MMP26: variants seen among roughly 807,000 people sequenced by gnomAD.
MMP26 encodes matrix metallopeptidase 26.
In MMP26, 33 loss-of-function variants were observed where a neutral mutation model predicts 31.0. That is an observed-to-expected ratio of 1.06 (90% confidence interval 0.81 to 1.42). The LOEUF (loss-of-function observed/expected upper bound fraction) is 1.42, where lower values mean the gene tolerates loss of function less well. Ranked by LOEUF, MMP26 falls within the 40% of genes most tolerant of loss-of-function variation. The pLI is 0.00. For synonymous variants in MMP26, 122 were observed against 114.9 expected (o/e 1.06, Z -0.40); for missense variants, 347 against 316.1 (o/e 1.10, Z -0.74).
At chr11:4,918,103 G>A (rs1358826203) in intron 2 of MMP26, among the ~76,000 whole-genome samples, 1 of 151,988 alleles carries the variant, frequency 6.6e-6, no homozygotes, top group Non-Finnish European at 1.5e-5. Flanking sequence ...AAATTTGCAA[G>A]TTAGTATTAT....
At chr11:4,896,326 G>A (rs576959794) in intron 2 of MMP26, among the ~76,000 whole-genome samples, 22 of 152,188 alleles carry the variant, frequency 1.4e-4, no homozygotes, top group South Asian at 4.1e-4. Flanking sequence ...TCTACACACC[G>A]CTGATTCCTT....
At chr11:4,810,025 T>C (rs1364157936) in intron 2 of MMP26, among the ~76,000 whole-genome samples, 1 of 152,160 alleles carries the variant, frequency 6.6e-6, no homozygotes, top group Non-Finnish European at 1.5e-5. Flanking sequence ...TTTCCGACCT[T>C]TAAGTATTAG....
At chr11:4,833,983 C>G (rs1308286895) in intron 2 of MMP26, among the ~76,000 whole-genome samples, 1 of 151,920 alleles carries the variant, frequency 6.6e-6, no homozygotes, top group Non-Finnish European at 1.5e-5. Flanking sequence ...AGTACTCTGT[C>G]GATGGTATGT....
chr11:4,708,590 T>C (rs969895759), intron 1 of MMP26, among the ~76,000 whole-genome samples: 1 of 152,220 alleles, frequency 6.6e-6, no homozygotes, highest in Non-Finnish European at 1.5e-5. Context: ...AACATAAATA[T>C]GTTAAAAACC....
chr11:4,946,805 C>A (rs754855485), intron 2 of MMP26: 2 of 1,587,354 alleles, frequency 1.3e-6, no homozygotes, highest in Non-Finnish European at 8.6e-7. Context: ...CTGGGCAAAG[C>A]AGGCATTGGA....
intron 2 of MMP26, chr11:4,859,877 T>C (rs1038762206): frequency 8.5e-6 from 4 of 470,960 alleles, no homozygotes; most frequent in African/African-American, 4.0e-5. Context: ...CTGGAGACAA[T>C]GCCCAGCACA....
chr11:4,925,888 G>A (rs1373933312), intron 2 of MMP26, among the ~76,000 whole-genome samples: 5 of 152,222 alleles, frequency 3.3e-5, no homozygotes, highest in Non-Finnish European at 4.4e-5. Flanking sequence ...TAATAGACTG[G>A]CAAAGCATTG....
chr11:4,839,900 T>C (rs1849771488), intron 2 of MMP26, among the ~76,000 whole-genome samples: 4 of 151,702 alleles, frequency 2.6e-5, no homozygotes, highest in Admixed American at 2.6e-4. Flanking sequence ...GATTTGACTC[T>C]TGGATGGCAT....
intron 1 of MMP26, among the ~76,000 whole-genome samples, chr11:4,735,793 T>G (rs1848232100): frequency 6.6e-6 from 1 of 151,904 alleles, no homozygotes; most frequent in South Asian, 2.1e-4. Flanking sequence ...TAAAAAACAC[T>G]TAATAATTTT....
chr11:4,878,638 C>T (rs1285563410), intron 2 of MMP26, among the ~76,000 whole-genome samples: 1 of 152,048 alleles, frequency 6.6e-6, no homozygotes, highest in African/African-American at 2.4e-5. Context: ...TAGTTTAGAC[C>T]ATATGGTGAC....
chr11:4,944,795 TA>T (rs1846269578), intron 2 of MMP26: 1 of 152,128 alleles, frequency 6.6e-6, no homozygotes. Flanking sequence ...TTTCCTGTTT[TA>T]AAAATCATTA....
chr11:4,744,001 G>A (rs1034088338), intron 1 of MMP26, among the ~76,000 whole-genome samples: 1 of 151,946 alleles, frequency 6.6e-6, no homozygotes, highest in African/African-American at 2.4e-5. Context: ...TAGAGATAAT[G>A]TGTTGCCCAG....
chr11:4,909,289 G>A (rs1850954548), intron 2 of MMP26: 1 of 151,996 alleles, frequency 6.6e-6, no homozygotes, highest in African/African-American at 2.4e-5. Flanking sequence ...AATCAAAAGA[G>A]TATACAGTTG....
At chr11:4,974,383 T>C (rs950719755) in intron 2 of MMP26, among the ~76,000 whole-genome samples, 1 of 152,050 alleles carries the variant, frequency 6.6e-6, no homozygotes, top group Non-Finnish European at 1.5e-5. Flanking sequence ...AAAAAATATA[T>C]GTATATAGTG....
At chr11:4,829,053 T>A (rs764401898) in intron 2 of MMP26, among the ~76,000 whole-genome samples, 11 of 152,096 alleles carry the variant, frequency 7.2e-5, no homozygotes, top group Non-Finnish European at 1.3e-4. Flanking sequence ...AATAATACAG[T>A]GTTTAACTAG....
intron 2 of MMP26, among the ~76,000 whole-genome samples, chr11:4,895,333 A>G (rs1850684452): frequency 6.6e-6 from 1 of 152,150 alleles, no homozygotes; most frequent in South Asian, 2.1e-4. Flanking sequence ...CCATAACGTC[A>G]TCTCACCTGC....
At chr11:4,781,037 A>G (rs71480716) in intron 2 of MMP26, among the ~76,000 whole-genome samples, 13,615 of 152,154 alleles carry the variant, frequency 0.089, 814 homozygotes, top group Middle Eastern at 0.15. Flanking sequence ...ACATACAGAG[A>G]CTATATGTTT....
chr11:4,899,659 A>G (rs16907096), intron 2 of MMP26, among the ~76,000 whole-genome samples: 1,770 of 152,212 alleles, frequency 0.012, 20 homozygotes, highest in Non-Finnish European at 0.015. Context: ...TTCATTGTTT[A>G]TTAGAAGCCC....
chr11:4,773,202 T>C (rs1249748109), intron 2 of MMP26, among the ~76,000 whole-genome samples: 2 of 152,220 alleles, frequency 1.3e-5, no homozygotes, highest in Non-Finnish European at 2.9e-5. Context: ...TATCCTCTGC[T>C]GTTGAGTGTG....
Sources: allele counts gnomAD v4.1 joint callset (sites outside exome capture counted in the v4.1 genomes callset), GRCh38; gene constraint gnomAD v4.1.1; transcripts MANE v1.5; gene names NCBI Gene and HGNC (gene_info 2026-07-23, HGNC 2026-07-21).